The following CLVS1 variants were observed in gnomAD, a reference collection of about 807,000 sequenced individuals.
CLVS1 encodes clavesin 1.
A neutral mutation model predicts 33.1 loss-of-function variants in CLVS1; 10 were observed. The observed-to-expected ratio is 0.30, with a 90% CI of 0.19 to 0.51. The LOEUF is 0.51. Ranked by LOEUF, CLVS1 falls within the 20% of genes least tolerant of loss-of-function variation. The pLI, the probability that CLVS1 is intolerant of heterozygous loss-of-function variation, is 0.97. For missense variants in CLVS1, 343 were observed against 433.4 expected (o/e 0.79, Z 1.85); for synonymous variants, 163 against 166.1 (o/e 0.98, Z 0.14).
At chr8:61,277,017 T>C (rs1054807103) in intron 2 of CLVS1, among the ~76,000 whole-genome samples, 1 of 152,232 alleles carries the variant, frequency 6.6e-6, no homozygotes, top group Non-Finnish European at 1.5e-5. Flanking sequence ...TTGCTCCTAC[T>C]GGTAAATTCT....
intron 1 of CLVS1, among the ~76,000 whole-genome samples, chr8:61,082,091 A>G (rs1369155799): frequency 6.6e-6 from 1 of 152,194 alleles, no homozygotes; most frequent in African/African-American, 2.4e-5. Context: ...TGGATGGGTA[A>G]GGTAAGCATA....
chr8:61,312,505 T>C (rs919306184), intron 2 of CLVS1, among the ~76,000 whole-genome samples: 1 of 152,244 alleles, frequency 6.6e-6, no homozygotes, highest in Non-Finnish European at 1.5e-5. Context: ...ACATTCTTTC[T>C]GTTTCTCACC....
At position 61,465,480 on chromosome 8, in the gene CLVS1, G is replaced by A. The variant is rs539512144; in HGVS notation, c.977+6938G>A. ...TGGATAATTGTAGCTCAACCCTTAT[G>A]TAGAAAAAACAAAATAATGATTGGT... On this transcript the variant is annotated intron_variant, in intron 5 of 5. Transcript: ENST00000325897. 3.9e-5 allele frequency: 6 copies of A among 152,088 alleles called. No individual in the cohort carries two copies. The South Asian group carries it at 1.2e-3, about 32-fold the overall frequency. The allele number at this position is 152,088 out of a possible 1,614,324, so 9.4% of individuals were successfully genotyped here.
rs112173018 is a variant in CLVS1 at position 61,093,494 on chromosome 8, A to C, written c.-243+36264A>C. On this transcript the variant is annotated intron_variant, in intron 1 of 2. Coordinates refer to the CLVS1 transcript ENST00000522621. Reference sequence around the variant, plus strand: ...CTCATTATAATGTGCTTACAAAAAAACCCCAAAAGTCATTTTCCTGTCATT... The same window carrying C: ...CTCATTATAATGTGCTTACAAAAAACCCCCAAAAGTCATTTTCCTGTCATT... 1.8e-3 allele frequency among the ~76,000 whole-genome samples: 268 copies of C among 152,268 alleles called. 3 individuals are homozygous for C. Among genetic ancestry groups the C allele is most frequent in the African/African-American group, 5.8e-3 (240 of 41,550 alleles).
At chr8:60,996,530 G>C in the CLVS1 span, among the ~76,000 whole-genome samples, 1 of 152,206 alleles carries the variant, frequency 6.6e-6, no homozygotes, top group African/African-American at 2.4e-5. Context: ...CTTTTAGCTG[G>C]ATCATTCTCT....
At chr8:61,250,438 T>C (rs555223311) in intron 2 of CLVS1, among the ~76,000 whole-genome samples, 29 of 152,222 alleles carry the variant, frequency 1.9e-4, no homozygotes, top group Non-Finnish European at 2.6e-4. Flanking sequence ...AAAGTAGTTT[T>C]TTCCAATTCT....
At chr8:61,332,123 C>T (rs542785735) in intron 2 of CLVS1, among the ~76,000 whole-genome samples, 1 of 152,316 alleles carries the variant, frequency 6.6e-6, no homozygotes, top group South Asian at 2.1e-4. Flanking sequence ...AATCTCTTAA[C>T]TGAGGGAAAA....
At chr8:61,063,257 A>AAGTG (rs1804614016) in intron 1 of CLVS1, among the ~76,000 whole-genome samples, 1 of 85,364 alleles carries the variant, frequency 1.2e-5, no homozygotes, top group African/African-American at 5.3e-5. Flanking sequence ...GAAAGTGAGG[A>AAGTG]AGCGAGAGAG....
In CLVS1 at chr8:61,204,585, T is replaced by C. The variant is rs141030154; in HGVS notation, c.-152+72725T>C. ...GCATAATGAGACTTCCTAAACATTC[T>C]GTAAATGACATTAAGTACATTATTT... On this transcript the variant is annotated intron_variant, in intron 2 of 2. Transcript: ENST00000522621. 3.6e-3 allele frequency among the ~76,000 whole-genome samples: 551 copies of C among 152,306 alleles called. 4 individuals carry two copies. The highest frequency in any genetic ancestry group is 0.013 in the African/African-American group (523 of 41,538).
chr8:61,239,612 T>C lies in CLVS1; in HGVS notation c.-151-60065T>C, dbSNP rs536672108. Among the ~76,000 whole-genome samples the C allele has an allele frequency of 9.2e-5, 14 of 152,100 alleles. No homozygotes were observed. The South Asian group carries it at 2.9e-3, about 32-fold the overall frequency. Reference sequence around the variant, plus strand: ...TTAGCTGGGCATGGTGGCTTGTGCCTGGAGTCCCAGCTACTTGGGAGGCTG... The same window carrying C: ...TTAGCTGGGCATGGTGGCTTGTGCCCGGAGTCCCAGCTACTTGGGAGGCTG... On this transcript the variant is annotated intron_variant, in intron 2 of 2. Coordinates refer to the CLVS1 transcript ENST00000522621.
At chr8:61,333,395 A>T (rs950774778) in intron 2 of CLVS1, among the ~76,000 whole-genome samples, 2 of 152,228 alleles carry the variant, frequency 1.3e-5, no homozygotes, top group African/African-American at 4.8e-5. Context: ...AGATTTCAAG[A>T]ATAGTAGAGG....
the CLVS1 span, among the ~76,000 whole-genome samples, chr8:61,047,560 A>G: frequency 6.6e-6 from 1 of 152,340 alleles, no homozygotes; most frequent in South Asian, 2.1e-4. Context: ...CAACAATGAT[A>G]GACTGGATTA....
intron 2 of CLVS1, among the ~76,000 whole-genome samples, chr8:61,376,204 T>C (rs117666125): frequency 0.019 from 2,959 of 152,284 alleles, 35 homozygotes; most frequent in African/African-American, 0.032. Flanking sequence ...TCAGCAATGA[T>C]TCATTGTACT....
chr8:61,293,203 C>G (rs556548490), intron 1 of CLVS1, among the ~76,000 whole-genome samples: 4 of 152,240 alleles, frequency 2.6e-5, no homozygotes. Flanking sequence ...ATTCTGGTCA[C>G]GTTATGCTTT....
At chr8:61,491,809 T>A (rs1252721004) in intron 5 of CLVS1, among the ~76,000 whole-genome samples, 1 of 152,250 alleles carries the variant, frequency 6.6e-6, no homozygotes, top group African/African-American at 2.4e-5. Flanking sequence ...TTATTCATAT[T>A]ATTTATTTAT....
chr8:61,022,256 T>A, the CLVS1 span, among the ~76,000 whole-genome samples: 1 of 152,218 alleles, frequency 6.6e-6, no homozygotes, highest in East Asian at 1.9e-4. Flanking sequence ...TTAGGGAGAT[T>A]CTGTTTTCCA....
chr8:61,145,982 A>G (rs1417196258), intron 2 of CLVS1, among the ~76,000 whole-genome samples: 2 of 152,248 alleles, frequency 1.3e-5, no homozygotes, highest in African/African-American at 4.8e-5. Flanking sequence ...ATTTAAGACC[A>G]GTTTCCTTCT....
intron 5 of CLVS1, among the ~76,000 whole-genome samples, chr8:61,485,982 G>T (rs1033266099): frequency 6.6e-5 from 10 of 152,196 alleles, no homozygotes; most frequent in African/African-American, 2.2e-4. Flanking sequence ...AGCATTAGGA[G>T]TTATACCTAA....
chr8:61,073,219 T>A (rs542802180), intron 1 of CLVS1, among the ~76,000 whole-genome samples: 3 of 152,326 alleles, frequency 2.0e-5, no homozygotes, highest in Admixed American at 1.3e-4. Context: ...AAAATTACAA[T>A]CTACTTGGAT....
Sources: gnomAD v4.1 joint callset for allele counts (sites outside exome capture counted in the v4.1 genomes callset) on GRCh38, gnomAD v4.1.1 for gene constraint, MANE v1.5 for transcripts, NCBI Gene and HGNC (gene_info 2026-07-23, HGNC 2026-07-21) for gene names.